The following IGSF21 variants were observed in gnomAD, a reference collection of about 807,000 sequenced individuals.
IGSF21 encodes the protein immunoglobin superfamily member 21, also known as immunoglobulin superfamily member 21.
A neutral mutation model predicts 46.8 loss-of-function variants in IGSF21; 28 were observed. That is an observed-to-expected ratio of 0.60 (90% CI 0.44 to 0.82). The LOEUF is 0.82. Ranked by LOEUF, IGSF21 falls within the 40% of genes least tolerant of loss-of-function variation. IGSF21 has a pLI of 0.00. For synonymous variants in IGSF21, 284 were observed against 273.6 expected, an observed-to-expected ratio of 1.04 and a Z score of -0.38; for missense variants, 624 against 665.5, an observed-to-expected ratio of 0.94 and a Z score of 0.69.
intron 2 of IGSF21, among the ~76,000 whole-genome samples, chr1:18,239,717 C>T (rs1293766845): frequency 6.6e-6 from 1 of 152,116 alleles, no homozygotes; most frequent in Non-Finnish European, 1.5e-5. Context: ...ATCTGGTCAA[C>T]TCCTACTTGC....
chr1:18,287,631 C>T (rs776879946), intron 2 of IGSF21, among the ~76,000 whole-genome samples: 6 of 152,190 alleles, frequency 3.9e-5, no homozygotes, highest in African/African-American at 9.7e-5. Context: ...GGTTGTCGGT[C>T]GGCCCTGGCC....
At chr1:18,366,203 G>A (rs1325209090) in intron 6 of IGSF21, among the ~76,000 whole-genome samples, 1 of 152,166 alleles carries the variant, frequency 6.6e-6, no homozygotes, top group Non-Finnish European at 1.5e-5. Flanking sequence ...AGAGAAATAT[G>A]CTGGATTGGT....
At chr1:18,217,543 T>C (rs1042777956) in intron 1 of IGSF21, among the ~76,000 whole-genome samples, 5 of 152,240 alleles carry the variant, frequency 3.3e-5, no homozygotes, top group African/African-American at 1.2e-4. Context: ...TTGCAGACTT[T>C]GCTGGCTTTG....
chr1:18,378,169 C>T lies in IGSF21; in HGVS notation c.1334-87C>T, dbSNP rs72940710. ...AGTTTGTCCTGATGCTGAAATCCAGCGTCTTTGTTGGGGACCTGGAGGCTC... is the reference window on the plus strand; with the variant it reads ...AGTTTGTCCTGATGCTGAAATCCAGTGTCTTTGTTGGGGACCTGGAGGCTC... On this transcript the variant is annotated intron_variant, in intron 9 of 9. Coordinates refer to ENST00000251296, the MANE Select transcript of IGSF21 (RefSeq NM_032880.5). 3.7e-3 allele frequency: 4,069 copies of T among 1,085,528 alleles called. 97 individuals carry two copies. In the African/African-American group the frequency reaches 0.052, roughly 14 times the overall value. 67.2% of individuals were successfully genotyped at this position (1,085,528 alleles called of 1,614,324 possible). A position where few individuals can be genotyped will look rare whatever the true frequency, so the allele number is the denominator to read the frequency against.
chr1:18,320,444 T>C (rs2085589888), intron 3 of IGSF21, among the ~76,000 whole-genome samples: 1 of 151,794 alleles, frequency 6.6e-6, no homozygotes, highest in Non-Finnish European at 1.5e-5. Flanking sequence ...AAGCTCGGAG[T>C]TTCAATTTTC....
intron 3 of IGSF21, among the ~76,000 whole-genome samples, chr1:18,298,712 C>T (rs1032913942): frequency 2.6e-5 from 4 of 152,222 alleles, no homozygotes; most frequent in African/African-American, 4.8e-5. Flanking sequence ...TGAGGTGCAT[C>T]GGTTCACATG....
At chr1:18,198,547 A>C (rs1420523322) in intron 1 of IGSF21, among the ~76,000 whole-genome samples, 1 of 152,262 alleles carries the variant, frequency 6.6e-6, no homozygotes, top group African/African-American at 2.4e-5. Context: ...GACCTTAAAA[A>C]ATACAGACGG....
chr1:18,182,238 G>C (rs12038584), intron 1 of IGSF21, among the ~76,000 whole-genome samples: 1 of 146,728 alleles, frequency 6.8e-6, no homozygotes, highest in African/African-American at 2.5e-5. Context: ...GTGCAGTGGC[G>C]TGATCTCGGC....
At chr1:18,315,840 TG>T (rs1253813714) in intron 3 of IGSF21, among the ~76,000 whole-genome samples, 2 of 150,400 alleles carry the variant, frequency 1.3e-5, no homozygotes, top group Admixed American at 6.6e-5. Flanking sequence ...GATAGGTAGA[TG>T]GGGGGTGAGT....
intron 4 of IGSF21, among the ~76,000 whole-genome samples, chr1:18,349,656 G>A (rs2085929870): frequency 6.6e-6 from 1 of 152,188 alleles, no homozygotes; most frequent in Admixed American, 6.5e-5. Context: ...ACTCACCACA[G>A]CTGACATTTA....
intron 1 of IGSF21, among the ~76,000 whole-genome samples, chr1:18,149,735 A>G (rs1420132155): frequency 6.7e-6 from 1 of 149,814 alleles, no homozygotes; most frequent in Non-Finnish European, 1.5e-5. Flanking sequence ...CCATCTCTAG[A>G]CTCTGGCTCC....
intron 4 of IGSF21, among the ~76,000 whole-genome samples, chr1:18,357,354 G>A (rs1441467759): frequency 2.0e-5 from 3 of 150,044 alleles, no homozygotes; most frequent in Admixed American, 2.0e-4. Context: ...TGGAGATGGG[G>A]ATGGGGATAT....
intron 1 of IGSF21, among the ~76,000 whole-genome samples, chr1:18,216,805 A>G (rs1168211863): frequency 1.3e-5 from 2 of 152,108 alleles, no homozygotes; most frequent in Non-Finnish European, 2.9e-5. Flanking sequence ...AGTGTATTTC[A>G]CAGAACTCTC....
chr1:18,367,883 C>T (rs576581604), intron 6 of IGSF21, among the ~76,000 whole-genome samples: 6 of 151,864 alleles, frequency 4.0e-5, no homozygotes, highest in African/African-American at 7.3e-5. Context: ...GGGTTACAGA[C>T]GTGAGCCACC....
chr1:18,260,167 G>A (rs1569657158), intron 2 of IGSF21, among the ~76,000 whole-genome samples: 2 of 152,228 alleles, frequency 1.3e-5, no homozygotes, highest in South Asian at 2.1e-4. Context: ...GAGGATGAGC[G>A]AAGATGTGGA....
chr1:18,378,172 C>A (rs1342252844), intron 9 of IGSF21, 84 bp from the exon 10 acceptor site: 8 of 1,154,200 alleles, frequency 6.9e-6, no homozygotes, highest in Non-Finnish European at 5.2e-6. Context: ...AATCCAGCGT[C>A]TTTGTTGGGG....
chr1:18,372,632 A>AGATGAATGGATGGATG (rs1553167514), intron 6 of IGSF21, among the ~76,000 whole-genome samples: 3 of 135,204 alleles, frequency 2.2e-5, no homozygotes, highest in Non-Finnish European at 4.8e-5. Flanking sequence ...ATGGATGGAT[A>AGATGAATGGATGGATG]GATGGATGGA....
intron 4 of IGSF21, among the ~76,000 whole-genome samples, chr1:18,338,538 G>A (rs543138328): frequency 1.3e-5 from 2 of 152,246 alleles, no homozygotes; most frequent in South Asian, 4.1e-4. Context: ...GACGGCCCAG[G>A]GCCCACCTGC....
intron 2 of IGSF21, among the ~76,000 whole-genome samples, chr1:18,261,231 C>T (rs935539284): frequency 6.6e-6 from 1 of 152,118 alleles, no homozygotes; most frequent in African/African-American, 2.4e-5. Context: ...AGCACCGTGG[C>T]TGGCCTATAA....
Sources: allele counts gnomAD v4.1 joint callset (sites outside exome capture counted in the v4.1 genomes callset), GRCh38; gene constraint gnomAD v4.1.1; transcripts MANE v1.5; gene names NCBI Gene and HGNC (gene_info 2026-07-23, HGNC 2026-07-21).